Variants in CDK5RAP3 observed in about 807,000 individuals in gnomAD.
CDK5RAP3 encodes CDK5 regulatory subunit associated protein 3, also known as CDK5 regulatory subunit-associated protein 3.
A neutral mutation model predicts 73.3 loss-of-function variants in CDK5RAP3; 58 were observed. The ratio of observed to expected loss-of-function variants is 0.79; its 90% CI spans 0.64 to 0.98. The LOEUF (loss-of-function observed/expected upper bound fraction) is 0.98, where lower values mean the gene tolerates loss of function less well. Ranked by LOEUF, CDK5RAP3 falls within the 50% of genes least tolerant of loss-of-function variation. The pLI is 0.00. For synonymous variants in CDK5RAP3, 224 were observed against 247.5 expected (o/e 0.91, Z 0.89); for missense variants, 525 against 615.8 (o/e 0.85, Z 1.56).
chr17:47,980,565 C>T, intron 11 of CDK5RAP3, 28 bp from the exon 12 acceptor site: 1 of 1,605,624 alleles, frequency 6.2e-7, no homozygotes, highest in Non-Finnish European at 8.5e-7. Flanking sequence ...TCATGTACAG[C>T]CTGAACCAAT....
At chr17:47,970,622 C>T (rs541532533), upstream of CDK5RAP3, 466 of 1,528,078 alleles carry the variant, frequency 3.0e-4, no homozygotes, top group Middle Eastern at 1.7e-3. Context: ...GGTGCTCAAC[C>T]ATGTCTATTA....
At chr17:47,976,682 C>T (rs760938475) in intron 8 of CDK5RAP3, 30 bp from the exon 9 acceptor site, 3 of 1,478,698 alleles carry the variant, frequency 2.0e-6, no homozygotes. Context: ...ATCCATCTTC[C>T]ATGAGCTAAC....
intron 4 of CDK5RAP3, 92 bp from the exon 5 acceptor site, chr17:47,974,308 G>T: frequency 8.9e-7 from 1 of 1,122,768 alleles, no homozygotes. Flanking sequence ...GTGATGTAAA[G>T]GCTGGGAGAA....
At chr17:47,969,299 G>A (rs1317404639), upstream of CDK5RAP3, among the ~76,000 whole-genome samples, 2 of 152,062 alleles carry the variant, frequency 1.3e-5, no homozygotes, top group African/African-American at 2.4e-5. Context: ...GCTCACGCCT[G>A]TAATCCCAGC....
intron 9 of CDK5RAP3, 91 bp from the exon 10 acceptor site, chr17:47,977,741 C>A: frequency 9.5e-7 from 1 of 1,057,440 alleles, no homozygotes; most frequent in South Asian, 1.5e-5. Flanking sequence ...AATGTGCAGC[C>A]ATTGACCTCA....
In CDK5RAP3 at chr17:47,980,618, C is replaced by T. The variant is rs186754024; in HGVS notation, c.1103C>T (p.Ala368Val). 662 of 1,613,410 alleles carry T rather than the reference C, an allele frequency of 4.1e-4. 1 individual carries two copies. The highest frequency in any genetic ancestry group is 1.4e-3 in the Admixed American group (83 of 60,014). Residue 368 changes from alanine (A) to valine (V), a missense_variant, in exon 12 of 14, where the codon GCA (alanine) becomes GTA (valine). By Grantham distance (64) the Ala-to-Val change is moderately conservative (BLOSUM62 0). This residue lies in a region of CDK5RAP3 where 116 missense variants were observed against 186.1 expected (regional missense o/e 0.62). Transcript: ENST00000338399. ...CTTGAGATCTTCTTAGCCCAGAGAG[C>T]AGTGGAGTTGAGTGAGGAGGCAGAT... ...MELEIFLAQR[A>V]VELSEEADVL...
intron 5 of CDK5RAP3, 34 bp from the exon 6 acceptor site, chr17:47,975,125 G>T (rs934467768): frequency 1.2e-6 from 2 of 1,613,830 alleles, no homozygotes; most frequent in African/African-American, 1.3e-5. Flanking sequence ...TCATGTGGGG[G>T]TGTCCTGGGC....
chr17:47,971,178 T>G (rs758437896), intron 1 of CDK5RAP3, 26 bp downstream of exon 1: 3 of 1,542,526 alleles, frequency 1.9e-6, no homozygotes, highest in African/African-American at 1.4e-5. Flanking sequence ...CTGGGTGTGC[T>G]GGGGACTGGC....
chr17:47,971,996 A>G (rs901152766), intron 2 of CDK5RAP3, among the ~76,000 whole-genome samples: 1 of 152,096 alleles, frequency 6.6e-6, no homozygotes, highest in African/African-American at 2.4e-5. Context: ...ACTCCATCTC[A>G]AAAAGAAGAC....
chr17:47,977,759 C>G, intron 9 of CDK5RAP3, 73 bp from the exon 10 acceptor site: 1 of 1,286,860 alleles, frequency 7.8e-7, no homozygotes, highest in Non-Finnish European at 1.1e-6. Flanking sequence ...TCATCAAGGG[C>G]TTTGGTTTAT....
rs745959608 is a variant in CDK5RAP3, at chr17:47,973,914, C to T, written c.185-17C>T. The T allele has an allele frequency of 1.0e-5, 16 of 1,591,654 alleles. No individual in the cohort carries two copies. The highest frequency in any genetic ancestry group is 2.2e-5 in the East Asian group (1 of 44,782). On this transcript the variant is annotated splice_polypyrimidine_tract_variant and intron_variant, in intron 3 of 13. Coordinates refer to ENST00000338399, the MANE Select transcript of CDK5RAP3 (RefSeq NM_176096.3). ...GAAGATACTTTAGTTCTCGAAATCC[C>T]GTCTCTTGCTTTCTAGACATTCACT...
chr17:47,969,556 CAAAAAAAAAAAA>C (rs36208323), upstream of CDK5RAP3, among the ~76,000 whole-genome samples: 35 of 79,858 alleles, frequency 4.4e-4, 1 homozygote, highest in South Asian at 0.014. Context: ...GACTCCGTCT[CAAAAAAAAAAAA>C]AAAAAAAAAA....
chr17:47,973,651 G>A lies in CDK5RAP3; in HGVS notation c.184+1G>A. 1 of 1,614,084 alleles carries A rather than the reference G, an allele frequency of 6.2e-7. No individual in the cohort carries two copies. The highest frequency in any genetic ancestry group is 8.5e-7 in the Non-Finnish European group (1 of 1,180,000). On this transcript the variant is annotated splice_donor_variant, in intron 3 of 13. Transcript: ENST00000338399. LOFTEE classifies it high-confidence loss of function. ...ATCGCCCAGCTGCTGTCTGGGTCCT[G>A]TGAGTGCTTAGGGGCTGTCACTGGA...
intron 10 of CDK5RAP3, 135 bp downstream of exon 10, chr17:47,978,045 G>T: frequency 5.3e-6 from 3 of 569,116 alleles, no homozygotes; most frequent in Admixed American, 3.5e-5. Flanking sequence ...TGATGAGGAT[G>T]TGAGCTGAGG....
chr17:47,975,741 A>G lies in CDK5RAP3; in HGVS notation c.653+88A>G, dbSNP rs2036393255. On this transcript the variant is annotated intron_variant, in intron 7 of 13. Coordinates refer to ENST00000338399, the MANE Select transcript of CDK5RAP3 (RefSeq NM_176096.3). ...TTCTCCAGTTGTCTTGTTCCCATAT[A>G]ACATTTGAACTCTTTACACACCTGA... 7.0e-6 allele frequency: 11 copies of G among 1,567,934 alleles called. No homozygotes were observed. In the South Asian group the frequency reaches 1.1e-4, roughly 15 times the overall value.
intron 2 of CDK5RAP3, 92 bp from the exon 3 acceptor site, chr17:47,973,425 CTT>C (rs2036314294): frequency 3.4e-6 from 5 of 1,464,868 alleles, no homozygotes; most frequent in Non-Finnish European, 4.7e-6. Context: ...GTAAAGAAAA[CTT>C]TTAGACTAAT....
chr17:47,975,948 A>T lies in CDK5RAP3; in HGVS notation c.733A>T (p.Thr245Ser). 6.2e-7 allele frequency: 1 copy of T among 1,614,194 alleles called. No homozygotes were observed. Among genetic ancestry groups the T allele is most frequent in the Non-Finnish European group, 8.5e-7 (1 of 1,180,036 alleles). ...NSTVYEWRTG[T>S]EPSVVERPHL... is the part of the protein sequence containing the mutation. ...AACGGTGTACGAGTGGAGGACAGGGACAGAGCCCTCTGTGGTGGAACGACC... is the reference window on the plus strand; with the variant it reads ...AACGGTGTACGAGTGGAGGACAGGGTCAGAGCCCTCTGTGGTGGAACGACC... Residue 245 changes from threonine (T) to serine (S), a missense_variant, in exon 8 of 14, where the codon ACA becomes TCA. Thr to Ser is a moderately conservative substitution (Grantham distance 58). This residue lies in a region of CDK5RAP3 where 409 missense variants were observed against 429.8 expected (regional missense o/e 0.95). Transcript: ENST00000338399.
Position 47,978,858 on chromosome 17 carries a change from G to A in CDK5RAP3, c.1018G>A (p.Ala340Thr). 1 of 1,613,928 alleles carries A rather than the reference G, an allele frequency of 6.2e-7. No homozygotes were observed. The highest frequency in any genetic ancestry group is 8.5e-7 in the Non-Finnish European group (1 of 1,179,934). Residue 340 changes from alanine to threonine, a missense_variant, in exon 11 of 14, where the codon GCC (alanine) becomes ACC (threonine). This residue lies in a region of CDK5RAP3 where 409 missense variants were observed against 429.8 expected (regional missense o/e 0.95). Transcript: ENST00000338399. ...APEGVARGPD[A>T]LTLLEYTETR... is the part of the protein sequence containing the mutation. ...AGAAGGTGTTGCCAGGGGCCCAGAT[G>A]CCCTGACACTGCTTGAATACACTGA...
chr17:47,978,069 G>GTGT, intron 10 of CDK5RAP3, 159 bp downstream of exon 10: 1 of 297,276 alleles, frequency 3.4e-6, no homozygotes, highest in Non-Finnish European at 6.1e-6. Flanking sequence ...ACCAAGAGAG[G>GTGT]TTTTTTTTTT....
Sources: gnomAD v4.1 joint callset for allele counts (sites outside exome capture counted in the v4.1 genomes callset) on GRCh38, gnomAD v4.1.1 for gene constraint, gnomAD v4.1.1 regional missense constraint, MANE v1.5 for transcripts, NCBI Gene and HGNC (gene_info 2026-07-23, HGNC 2026-07-21) for gene names.